CYS1: variants seen among roughly 807,000 people sequenced by gnomAD.
CYS1 encodes the protein cystin-1.
A neutral mutation model predicts 9.6 loss-of-function variants in CYS1; 5 were observed. That is an observed-to-expected ratio of 0.52 (90% CI 0.27 to 1.10). The LOEUF (loss-of-function observed/expected upper bound fraction) is 1.10, where lower values mean the gene tolerates loss of function less well. Among genes scored for constraint, CYS1 ranks in the 50% least tolerant of loss-of-function variants. CYS1 has a pLI of 0.11. For synonymous variants in CYS1, 88 were observed against 95.7 expected (o/e 0.92, Z 0.47); for missense variants, 221 against 207.9 (o/e 1.06, Z -0.39).
Position 10,058,773 on chromosome 2 carries a change from C to CT in CYS1, c.*79dup. On this transcript the variant is annotated 3_prime_UTR_variant, in exon 3 of 3. Coordinates refer to ENST00000381813, the MANE Select transcript of CYS1 (RefSeq NM_001037160.3). Reference sequence around the variant, plus strand: ...CTGCGTTTTGGAGGTGGTTCAGCTCCTGCTAGAGCTCTGTGCAAGCAGAGG... The same window carrying CT: ...CTGCGTTTTGGAGGTGGTTCAGCTCCTTGCTAGAGCTCTGTGCAAGCAGAGG... The CT allele has an allele frequency of 7.8e-7, 1 of 1,276,162 alleles. No individual in the cohort carries two copies. Among genetic ancestry groups the CT allele is most frequent in the Non-Finnish European group, 1.1e-6 (1 of 926,968 alleles). 79.1% of individuals were successfully genotyped at this position (1,276,162 alleles called of 1,614,324 possible).
intron 2 of CYS1, among the ~76,000 whole-genome samples, chr2:10,065,477 G>C (rs1195354783): frequency 6.6e-6 from 1 of 152,228 alleles, no homozygotes; most frequent in Non-Finnish European, 1.5e-5. Flanking sequence ...ACCTTCAAGG[G>C]TGTTCAGCGT....
intron 2 of CYS1, among the ~76,000 whole-genome samples, chr2:10,062,656 G>C (rs1661643263): frequency 6.6e-6 from 1 of 152,186 alleles, no homozygotes. Flanking sequence ...GCCCACCTCA[G>C]CCTCCCAAAG....
In CYS1 at chr2:10,058,897, C is replaced by T; in HGVS notation, c.433G>A (p.Glu145Lys). 6.3e-7 allele frequency: 1 copy of T among 1,595,788 alleles called. No homozygotes were observed. The highest frequency in any genetic ancestry group is 8.5e-7 in the Non-Finnish European group (1 of 1,171,778). The change falls in exon 3 of 3, where the codon GAA becomes AAA. Residue 145 changes from glutamate (E) to lysine (K), a missense_variant. Coordinates refer to ENST00000381813, the MANE Select transcript of CYS1 (RefSeq NM_001037160.3). ...TCGATGCTCGCCATCAGCCCCTCTT[C>T]CGAGTGGTCGTAGGAGATGGCTGCC... ...RPAAISYDHS[E>K]EGLMASIERE...
intron 2 of CYS1, among the ~76,000 whole-genome samples, chr2:10,061,738 C>T (rs1484175983): frequency 1.3e-5 from 2 of 152,204 alleles, no homozygotes; most frequent in East Asian, 1.9e-4. Flanking sequence ...TGTGAGAGGT[C>T]AGGCTCCACT....
rs936104605 is a variant in CYS1, at chr2:10,076,419, C to T, written c.318+3487G>A. ...GCCTTCCTACAAGAGCTGACTGCAC[C>T]GCCCTCCTTGTGTCCTATTCTCCAT... On this transcript the variant is annotated intron_variant, in intron 1 of 2. Coordinates refer to ENST00000381813, the MANE Select transcript of CYS1 (RefSeq NM_001037160.3). This position sits in a 1 kb window ranked among gnomAD's most constrained non-coding sequence, Gnocchi z 4.3. Among the ~76,000 whole-genome samples the T allele has an allele frequency of 3.3e-5, 5 of 152,064 alleles. No homozygotes were observed. Among genetic ancestry groups the T allele is most frequent in the African/African-American group, 1.2e-4 (5 of 41,392 alleles).
rs1661656198 is a variant in CYS1 at position 10,063,619 on chromosome 2, AC to A, written c.371+2284del. On this transcript the variant is annotated intron_variant, in intron 2 of 2. Transcript: ENST00000381813. The surrounding 1 kb of genome is among the most constrained non-coding windows in gnomAD (Gnocchi z 4.2). ...CCCTGCCTGGGAGGGTGAGGGTGACACTGGAGGGAGGAGATTGAAGGGCGGG... is the reference window on the plus strand; with the variant it reads ...CCCTGCCTGGGAGGGTGAGGGTGACATGGAGGGAGGAGATTGAAGGGCGGG... 6.6e-6 allele frequency among the ~76,000 whole-genome samples: 1 copy of A among 152,144 alleles called. No homozygotes were observed. Among genetic ancestry groups the A allele is most frequent in the South Asian group, 2.1e-4 (1 of 4,834 alleles).
rs1661660500 is a variant in CYS1, at chr2:10,063,891, GC to G, written c.371+2012del. Among the ~76,000 whole-genome samples the G allele has an allele frequency of 2.6e-5, 4 of 152,190 alleles. No individual in the cohort carries two copies. Among genetic ancestry groups the G allele is most frequent in the Admixed American group, 2.6e-4 (4 of 15,274 alleles). ...CTGACAGAGCCCTGGGCACTCCTAC[GC>G]CTAGGGCAGCACTCAGGGAGGCTCC... On this transcript the variant is annotated intron_variant, in intron 2 of 2. Coordinates refer to ENST00000381813, the MANE Select transcript of CYS1 (RefSeq NM_001037160.3). This position sits in a 1 kb window ranked among gnomAD's most constrained non-coding sequence, Gnocchi z 4.2.
At position 10,073,221 on chromosome 2, in the gene CYS1, C is replaced by CGG. The variant is rs1558360570; in HGVS notation, c.318+6684_318+6685insCC. 2.5e-3 allele frequency among the ~76,000 whole-genome samples: 347 copies of CGG among 141,118 alleles called. 9 individuals carry two copies. Among genetic ancestry groups the CGG allele is most frequent in the African/African-American group, 9.5e-3 (341 of 35,992 alleles). 92.6% of individuals were successfully genotyped at this position (141,118 alleles called of 152,430 possible). On this transcript the variant is annotated intron_variant, in intron 1 of 2. Transcript: ENST00000381813. ...GGCTCTGGGAACCGCCCCCCCCCCC[C>CGG]CCCCGGCTGTGGGCTGCCAGTCCAG...
intron 1 of CYS1, among the ~76,000 whole-genome samples, chr2:10,079,463 G>C (rs890355494): frequency 6.6e-6 from 1 of 152,234 alleles, no homozygotes; most frequent in African/African-American, 2.4e-5. Context: ...AGATTCCGCA[G>C]CATCCTAAAA....
chr2:10,065,460 G>C (rs773478829), intron 2 of CYS1, among the ~76,000 whole-genome samples: 1 of 152,172 alleles, frequency 6.6e-6, no homozygotes, highest in Non-Finnish European at 1.5e-5. Flanking sequence ...CAGGCTCCTC[G>C]CCTGCTACCT....
At chr2:10,059,100 T>C in intron 2 of CYS1, 142 bp from the exon 3 acceptor site, 1 of 713,406 alleles carries the variant, frequency 1.4e-6, no homozygotes, top group South Asian at 1.7e-5. Flanking sequence ...CCTGTGGCGC[T>C]CTCGCCCAGC....
At chr2:10,070,965 T>C (rs1207569334) in intron 1 of CYS1, among the ~76,000 whole-genome samples, 1 of 149,816 alleles carries the variant, frequency 6.7e-6, no homozygotes, top group Non-Finnish European at 1.5e-5. Flanking sequence ...CCCTTTTTGT[T>C]TGTTTGTTTG....
intron 1 of CYS1, among the ~76,000 whole-genome samples, 178 bp from the exon 2 acceptor site, chr2:10,066,134 C>T (rs546144955): frequency 2.6e-5 from 4 of 152,348 alleles, no homozygotes; most frequent in Admixed American, 1.3e-4. Context: ...GGCAAGAAAA[C>T]GGAGGCTGCA....
intron 1 of CYS1, among the ~76,000 whole-genome samples, chr2:10,073,505 G>A (rs750381472): frequency 1.3e-5 from 2 of 152,210 alleles, no homozygotes; most frequent in Non-Finnish European, 2.9e-5. Context: ...AAGTCATCTC[G>A]GATTTCAGCA....
intron 2 of CYS1, among the ~76,000 whole-genome samples, 169 bp from the exon 3 acceptor site, chr2:10,059,127 G>C (rs1433071843): frequency 6.6e-6 from 1 of 152,224 alleles, no homozygotes; most frequent in African/African-American, 2.4e-5. Context: ...CCACCAGCAG[G>C]CTTCTACTGC....
At chr2:10,079,841 G>T in intron 1 of CYS1, 65 bp downstream of exon 1, 1 of 992,670 alleles carries the variant, frequency 1.0e-6, no homozygotes. Flanking sequence ...GGGCTGGGGC[G>T]GGGACGCGCG....
intron 1 of CYS1, among the ~76,000 whole-genome samples, chr2:10,073,459 G>A (rs1319847820): frequency 1.3e-5 from 2 of 152,216 alleles, no homozygotes; most frequent in African/African-American, 4.8e-5. Flanking sequence ...TAAATAAGAA[G>A]GTGGGACTGA....
intron 2 of CYS1, among the ~76,000 whole-genome samples, chr2:10,062,564 C>A (rs1661641832): frequency 6.6e-6 from 1 of 152,138 alleles, no homozygotes; most frequent in Admixed American, 6.5e-5. Flanking sequence ...CCACTCCCGA[C>A]TAATTTTTAT....
chr2:10,073,974 T>TC (rs1003639916), intron 1 of CYS1, among the ~76,000 whole-genome samples: 22 of 152,130 alleles, frequency 1.4e-4, no homozygotes, highest in African/African-American at 5.3e-4. Context: ...TGCCCGCTCC[T>TC]CCCCCGGGTC....
Sources: gnomAD v4.1 joint callset for allele counts (sites outside exome capture counted in the v4.1 genomes callset) on GRCh38, gnomAD v4.1.1 for gene constraint, Gnocchi (gnomAD v3.1) non-coding constraint, MANE v1.5 for transcripts, NCBI Gene and HGNC (gene_info 2026-07-23, HGNC 2026-07-21) for gene names.